TRAFD1: variants seen among roughly 807,000 people sequenced by gnomAD.
TRAFD1 encodes the protein TRAF-type zinc finger domain-containing protein 1.
Under a neutral mutation model 65.3 loss-of-function variants are expected in TRAFD1, and 38 were observed. The observed-to-expected ratio is 0.58, with a 90% CI of 0.45 to 0.76. The LOEUF is 0.76. TRAFD1 is among the 30% of genes least tolerant of loss of function. The pLI is 0.00. For missense variants in TRAFD1, 631 were observed against 712.6 expected, an observed-to-expected ratio of 0.89 and a Z score of 1.30; for synonymous variants, 223 against 257.2, an observed-to-expected ratio of 0.87 and a Z score of 1.27.
rs777997290 is a variant in TRAFD1, at chr12:112,151,878, C to T, written c.1357C>T (p.Arg453Ter). The change falls in exon 10 of 12, where the codon CGA (arginine) becomes TGA (stop). Residue 453 changes from arginine to a stop codon, truncating the protein, a stop_gained. Transcript: ENST00000412615. LOFTEE classifies it high-confidence loss of function. ...NGPTSCLPPS[R>*]PINNMTATYN... ...GCCCACCTCCTGTCTGCCTCCCAGC[C>T]GACCCATTAACAATATGACAGCTAC... 3.7e-6 allele frequency: 6 copies of T among 1,614,152 alleles called. No homozygotes were observed. Among genetic ancestry groups the T allele is most frequent in the Non-Finnish European group, 3.4e-6 (4 of 1,180,040 alleles).
intron 2 of TRAFD1, among the ~76,000 whole-genome samples, chr12:112,132,587 C>T (rs1213786243): frequency 6.6e-6 from 1 of 152,176 alleles, no homozygotes; most frequent in Non-Finnish European, 1.5e-5. Context: ...GAGTTTTCTT[C>T]CCATCTCTCA....
intron 4 of TRAFD1, among the ~76,000 whole-genome samples, chr12:112,135,439 T>G (rs1405485415): frequency 6.6e-6 from 1 of 152,176 alleles, no homozygotes; most frequent in African/African-American, 2.4e-5. Flanking sequence ...TCTTTTTTGT[T>G]TGTTTGTTTT....
Position 112,153,146 on chromosome 12 carries a change from C to T in TRAFD1, c.*355C>T, listed in dbSNP as rs1031371280. On this transcript the variant is annotated 3_prime_UTR_variant, in exon 12 of 12. Coordinates refer to ENST00000412615, the MANE Select transcript of TRAFD1 (RefSeq NM_006700.3). Reference sequence around the variant, plus strand: ...GGGGAAGATTTTGGAAACCTGGTAGCCACCAGTAAGGTGATTCTCTGCCCT... The same window carrying T: ...GGGGAAGATTTTGGAAACCTGGTAGTCACCAGTAAGGTGATTCTCTGCCCT... 1 of 231,200 alleles carries T rather than the reference C, an allele frequency of 4.3e-6. No individual in the cohort carries two copies. The highest frequency in any genetic ancestry group is 8.5e-6 in the Non-Finnish European group (1 of 117,486). The allele number at this position is 231,200 out of a possible 1,614,324, so 14.3% of individuals were successfully genotyped here. A position where few individuals can be genotyped will look rare whatever the true frequency, so the allele number is the denominator to read the frequency against.
chr12:112,148,473 G>A (rs577727851), intron 8 of TRAFD1, among the ~76,000 whole-genome samples, 169 bp downstream of exon 8: 10 of 152,296 alleles, frequency 6.6e-5, no homozygotes, highest in African/African-American at 1.9e-4. Context: ...AACCAATACC[G>A]CAGGCTTTCA....
chr12:112,135,623 A>G (rs2079595104), intron 4 of TRAFD1, among the ~76,000 whole-genome samples: 2 of 151,816 alleles, frequency 1.3e-5, no homozygotes, highest in South Asian at 4.2e-4. Flanking sequence ...ACGGGATTTC[A>G]CCATGTTGGC....
chr12:112,127,407 T>C (rs758027558), intron 1 of TRAFD1, among the ~76,000 whole-genome samples: 8 of 152,220 alleles, frequency 5.3e-5, no homozygotes, highest in Non-Finnish European at 1.2e-4. Context: ...TCAGAGACTA[T>C]ATTTCCTTAT....
intron 7 of TRAFD1, among the ~76,000 whole-genome samples, chr12:112,145,866 G>A (rs1354735398): frequency 6.6e-6 from 1 of 152,060 alleles, no homozygotes; most frequent in Non-Finnish European, 1.5e-5. Context: ...GGCATCCTTT[G>A]TAGGGACATG....
At chr12:112,147,458 T>C (rs1337800792) in intron 7 of TRAFD1, among the ~76,000 whole-genome samples, 1 of 152,110 alleles carries the variant, frequency 6.6e-6, no homozygotes, top group East Asian at 1.9e-4. Context: ...GTTTTGGGAG[T>C]ACCATAGAAA....
At chr12:112,135,263 A>G (rs2136971549) in intron 4 of TRAFD1, among the ~76,000 whole-genome samples, 197 bp downstream of exon 4, 1 of 152,278 alleles carries the variant, frequency 6.6e-6, no homozygotes, top group South Asian at 2.1e-4. Flanking sequence ...TCACTTGTGT[A>G]TGTTGAGACT....
chr12:112,133,527 G>A (rs1041322970), intron 2 of TRAFD1, among the ~76,000 whole-genome samples: 14 of 152,050 alleles, frequency 9.2e-5, no homozygotes, highest in African/African-American at 2.9e-4. Context: ...ATCCTGGAGC[G>A]TATCACTCTG....
At position 112,130,707 on chromosome 12, in the gene TRAFD1, C is replaced by T. The variant is rs1162447911; in HGVS notation, c.47+138C>T. ...TTTCTATTTTGGTGTTTATAACCCA[C>T]ATGAATTACAAGAAAGAGCATCTCT... On this transcript the variant is annotated intron_variant, in intron 2 of 11. Coordinates refer to ENST00000412615, the MANE Select transcript of TRAFD1 (RefSeq NM_006700.3). This position sits in a 1 kb window ranked among gnomAD's most constrained non-coding sequence, Gnocchi z 4.4. The T allele has an allele frequency of 3.5e-6, 2 of 574,676 alleles. No homozygotes were observed. Among genetic ancestry groups the T allele is most frequent in the Non-Finnish European group, 5.8e-6 (2 of 343,938 alleles). The allele number at this position is 574,676 out of a possible 1,614,324, so 35.6% of individuals were successfully genotyped here.
intron 1 of TRAFD1, among the ~76,000 whole-genome samples, chr12:112,129,194 T>C (rs1172369142): frequency 2.1e-5 from 1 of 48,624 alleles, no homozygotes; most frequent in African/African-American, 2.5e-4. Context: ...GGGATGGTGA[T>C]TTTTTTTTTT....
intron 2 of TRAFD1, 61 bp from the exon 3 acceptor site, chr12:112,134,677 T>C: frequency 6.4e-7 from 1 of 1,572,808 alleles, no homozygotes; most frequent in Non-Finnish European, 8.7e-7. Context: ...GATGCCACTG[T>C]GCAAGAAAAG....
chr12:112,145,818 A>G (rs2030224153), intron 7 of TRAFD1, among the ~76,000 whole-genome samples, 156 bp downstream of exon 7: 1 of 152,228 alleles, frequency 6.6e-6, no homozygotes. Flanking sequence ...GCATACAGAT[A>G]TGAAAACTTA....
chr12:112,130,178 G>T lies in TRAFD1; in HGVS notation c.-12-333G>T, dbSNP rs191931413. 1.9e-4 allele frequency among the ~76,000 whole-genome samples: 28 copies of T among 146,690 alleles called. No homozygotes were observed. The highest frequency in any genetic ancestry group is 2.8e-4 in the Admixed American group (4 of 14,538). ...AGACATGACGTTACCCCATGTTGTG[G>T]CCAGGTTGGTCTTAAACTCCTGGGC... is the stretch of plus-strand genomic sequence containing the variant. On this transcript the variant is annotated intron_variant, in intron 1 of 11. Coordinates refer to ENST00000412615, the MANE Select transcript of TRAFD1 (RefSeq NM_006700.3). This position sits in a 1 kb window ranked among gnomAD's most constrained non-coding sequence, Gnocchi z 4.4.
intron 7 of TRAFD1, among the ~76,000 whole-genome samples, chr12:112,146,025 TG>T (rs1473846452): frequency 6.7e-5 from 2 of 29,844 alleles, no homozygotes; most frequent in Non-Finnish European, 1.3e-4. Flanking sequence ...GTTGTGGGGT[TG>T]GGGGAGGGGG....
chr12:112,137,252 G>A lies in TRAFD1; in HGVS notation c.237+2186G>A, dbSNP rs945533102. On this transcript the variant is annotated intron_variant, in intron 4 of 11. Transcript: ENST00000412615. This position sits in a 1 kb window ranked among gnomAD's most constrained non-coding sequence, Gnocchi z 4.2. ...AAACAAAAAAAAACTGGCTCACCTTGTTTTCAAGTGTTGACATAAACAGTC... is the reference window on the plus strand; with the variant it reads ...AAACAAAAAAAAACTGGCTCACCTTATTTTCAAGTGTTGACATAAACAGTC... 6.6e-6 allele frequency among the ~76,000 whole-genome samples: 1 copy of A among 152,130 alleles called. No individual in the cohort carries two copies.
intron 4 of TRAFD1, among the ~76,000 whole-genome samples, chr12:112,139,232 C>T (rs982843211): frequency 1.3e-5 from 2 of 151,846 alleles, no homozygotes; most frequent in African/African-American, 4.8e-5. Flanking sequence ...TACCTGTGGT[C>T]CCAGCTACTT....
At chr12:112,135,422 T>G (rs991885451) in intron 4 of TRAFD1, among the ~76,000 whole-genome samples, 2 of 152,246 alleles carry the variant, frequency 1.3e-5, no homozygotes, top group Non-Finnish European at 2.9e-5. Context: ...GTCATTTCAT[T>G]TAAAATTCTT....
Sources: allele counts gnomAD v4.1 joint callset (sites outside exome capture counted in the v4.1 genomes callset), GRCh38; gene constraint gnomAD v4.1.1; non-coding constraint Gnocchi (gnomAD v3.1); transcripts MANE v1.5; gene names NCBI Gene and HGNC (gene_info 2026-07-23, HGNC 2026-07-21).